PLSCR2: variants seen among roughly 807,000 people sequenced by gnomAD.
PLSCR2 encodes PL scramblase 2.
Under a neutral mutation model 25.3 loss-of-function variants are expected in PLSCR2, and 18 were observed. That is an observed-to-expected ratio of 0.71 (90% CI 0.49 to 1.06). PLSCR2 has a LOEUF of 1.06. PLSCR2 is among the 50% of genes least tolerant of loss of function. PLSCR2 has a pLI of 0.00. For missense variants in PLSCR2, 243 were observed against 269.5 expected (o/e 0.90, Z 0.69); for synonymous variants, 88 against 87.3 (o/e 1.01, Z -0.04).
intron 6 of PLSCR2, among the ~76,000 whole-genome samples, chr3:146,442,201 A>G (rs1400120118): frequency 6.6e-6 from 1 of 152,088 alleles, no homozygotes; most frequent in African/African-American, 2.4e-5. Context: ...ACAACAAATT[A>G]AGAAAACAAT....
downstream of PLSCR2, among the ~76,000 whole-genome samples, chr3:146,430,777 G>C (rs1400288463): frequency 6.7e-6 from 1 of 149,536 alleles, no homozygotes; most frequent in Non-Finnish European, 1.5e-5. Context: ...CCTCCAAGAG[G>C]TATGCAGGTC....
chr3:146,463,450 C>G (rs2041719827), upstream of PLSCR2, among the ~76,000 whole-genome samples: 1 of 152,182 alleles, frequency 6.6e-6, no homozygotes, highest in African/African-American at 2.4e-5. Flanking sequence ...CCACCGCGCC[C>G]TGCCTATACT....
upstream of PLSCR2, chr3:146,462,031 ATTAC>A (rs1045617179): frequency 4.7e-6 from 3 of 635,116 alleles, no homozygotes; most frequent in East Asian, 2.9e-5. Context: ...CACTTAGTAA[ATTAC>A]TTACTTTTAT....
At chr3:146,477,407 A>C (rs2042326778) in intron 1 of PLSCR2, among the ~76,000 whole-genome samples, 1 of 152,238 alleles carries the variant, frequency 6.6e-6, no homozygotes, top group Admixed American at 6.5e-5. Flanking sequence ...CTATGGTCTT[A>C]GCAACCAGCA....
At chr3:146,413,378 C>T (rs983766653) in intron 2 of PLSCR2, among the ~76,000 whole-genome samples, 8 of 152,176 alleles carry the variant, frequency 5.3e-5, no homozygotes, top group Non-Finnish European at 8.8e-5. Flanking sequence ...GTGAAATCTC[C>T]ACATTTTTCC....
chr3:146,464,163 A>ACT (rs2041754711), upstream of PLSCR2, among the ~76,000 whole-genome samples: 1 of 152,214 alleles, frequency 6.6e-6, no homozygotes, highest in Non-Finnish European at 1.5e-5. Context: ...TTAATCTATA[A>ACT]GGTGAACAAT....
chr3:146,419,694 C>G (rs1214988005), intron 2 of PLSCR2, among the ~76,000 whole-genome samples: 5 of 151,970 alleles, frequency 3.3e-5, no homozygotes, highest in African/African-American at 9.7e-5. Flanking sequence ...TGGCCTTATC[C>G]ATGTTCCAGA....
chr3:146,460,204 T>C, exon 1 of PLSCR2: 1 of 1,394,394 alleles, frequency 7.2e-7, no homozygotes, highest in Middle Eastern at 2.5e-4. Context: ...TCTGTGAAGC[T>C]TGAGGTATGT....
chr3:146,458,602 A>G, intron 2 of PLSCR2, 149 bp from the exon 3 acceptor site: 1 of 492,552 alleles, frequency 2.0e-6, no homozygotes, highest in African/African-American at 2.0e-5. Flanking sequence ...TTTATTGTAA[A>G]ACTAAAGTTA....
chr3:146,425,115 T>C (rs1396760581), intron 2 of PLSCR2, among the ~76,000 whole-genome samples: 1 of 152,082 alleles, frequency 6.6e-6, no homozygotes, highest in African/African-American at 2.4e-5. Flanking sequence ...TAGTGCCTGA[T>C]AAGTGCTTAG....
intron 1 of PLSCR2, among the ~76,000 whole-genome samples, chr3:146,471,024 C>T (rs12152259): frequency 0.047 from 6,423 of 136,820 alleles, 194 homozygotes; most frequent in Admixed American, 0.1. Flanking sequence ...ATATACACAG[C>T]TACACAGTGT....
intron 2 of PLSCR2, among the ~76,000 whole-genome samples, chr3:146,413,582 A>G (rs1257752647): frequency 6.6e-6 from 1 of 152,202 alleles, no homozygotes; most frequent in Admixed American, 6.5e-5. Flanking sequence ...CAACTCTGCC[A>G]AGTTCTCTGC....
intron 3 of PLSCR2, chr3:146,395,677 A>C (rs985523180): frequency 6.2e-6 from 1 of 160,456 alleles, no homozygotes; most frequent in Non-Finnish European, 1.4e-5. Context: ...GATTCAGATG[A>C]TTCAAGGAGA....
intron 3 of PLSCR2, among the ~76,000 whole-genome samples, chr3:146,394,029 T>A (rs894550804): frequency 2.0e-5 from 3 of 152,142 alleles, no homozygotes; most frequent in Admixed American, 1.3e-4. Flanking sequence ...TCTAGAATTA[T>A]TACATCTTGT....
At chr3:146,420,480 G>A (rs909485642) in intron 2 of PLSCR2, among the ~76,000 whole-genome samples, 5 of 151,866 alleles carry the variant, frequency 3.3e-5, no homozygotes, top group Admixed American at 2.0e-4. Flanking sequence ...TTTAATGTTT[G>A]CTAAGTAACG....
At chr3:146,457,076 T>C (rs2041260962) in intron 3 of PLSCR2, among the ~76,000 whole-genome samples, 1 of 152,084 alleles carries the variant, frequency 6.6e-6, no homozygotes, top group South Asian at 2.1e-4. Context: ...TTAGCCAAAC[T>C]ACAAAAAACC....
At chr3:146,415,085 T>C (rs1359360927) in intron 2 of PLSCR2, 3 of 152,652 alleles carry the variant, frequency 2.0e-5, no homozygotes, top group African/African-American at 7.2e-5. Context: ...AAACAAGTTA[T>C]ATCTTAAAGA....
intron 1 of PLSCR2, among the ~76,000 whole-genome samples, chr3:146,482,605 G>T (rs573132558): frequency 4.9e-4 from 75 of 152,280 alleles, no homozygotes; most frequent in Admixed American, 1.0e-3. Context: ...TGGAGAAATA[G>T]GAACACTTTT....
At chr3:146,450,576 G>C (rs1560013844) in intron 5 of PLSCR2, among the ~76,000 whole-genome samples, 2 of 152,182 alleles carry the variant, frequency 1.3e-5, no homozygotes, top group Admixed American at 6.5e-5. Flanking sequence ...TTACATATGG[G>C]TAAGTGGTTT....
Sources: allele counts gnomAD v4.1 joint callset (sites outside exome capture counted in the v4.1 genomes callset), GRCh38; gene constraint gnomAD v4.1.1; transcripts MANE v1.5; gene names NCBI Gene and HGNC (gene_info 2026-07-23, HGNC 2026-07-21).